The following PAN2 variants were observed in gnomAD, a reference collection of about 807,000 sequenced individuals.
PAN2 encodes poly(A) specific ribonuclease subunit PAN2.
PAN2 carries 68 observed loss-of-function variants against 133.3 expected under a neutral mutation model. The ratio of observed to expected loss-of-function variants is 0.51; its 90% CI spans 0.42 to 0.62. The LOEUF (loss-of-function observed/expected upper bound fraction) is 0.62, where lower values mean the gene tolerates loss of function less well. PAN2 is among the 20% of genes least tolerant of loss of function. PAN2 has a pLI of 0.00. For missense variants in PAN2, 1,042 were observed against 1,500.5 expected (o/e 0.69, Z 5.05); for synonymous variants, 462 against 544.6 (o/e 0.85, Z 2.11).
chr12:56,326,604 G>A lies in PAN2; in HGVS notation c.1262+13C>T, dbSNP rs926372695. The A allele has an allele frequency of 1.9e-6, 3 of 1,603,596 alleles. No individual in the cohort carries two copies. The highest frequency in any genetic ancestry group is 1.3e-5 in the African/African-American group (1 of 74,868). ...TGTCCCTCCCGCCTTTTGGCCCAGA[G>A]GTAGGGTACAACCTGGGAGCTGGAG... On this transcript the variant is annotated intron_variant, in intron 7 of 25. Transcript: ENST00000440411.
Position 56,317,368 on chromosome 12 carries a change from T to G in PAN2, c.*241A>C. ...AATTACTTTCCATCTGGGTCAATTCTAGACTCCATGTCTGTACCACTGTTT... is the reference window on the plus strand; with the variant it reads ...AATTACTTTCCATCTGGGTCAATTCGAGACTCCATGTCTGTACCACTGTTT... On this transcript the variant is annotated 3_prime_UTR_variant, in exon 26 of 26. Transcript: ENST00000440411. The G allele has an allele frequency of 1.8e-6, 1 of 556,780 alleles. No homozygotes were observed. The highest frequency in any genetic ancestry group is 3.2e-6 in the Non-Finnish European group (1 of 310,260). 34.5% of individuals were successfully genotyped at this position (556,780 alleles called of 1,614,324 possible). A position where few individuals can be genotyped will look rare whatever the true frequency, so the allele number is the denominator to read the frequency against.
Position 56,328,058 on chromosome 12 carries a change from C to G in PAN2, c.588G>C (p.Thr196=). 6.2e-7 allele frequency: 1 copy of G among 1,613,828 alleles called. No individual in the cohort carries two copies. Among genetic ancestry groups the G allele is most frequent in the Admixed American group, 1.7e-5 (1 of 60,014 alleles). The change falls in exon 5 of 26, where the codon ACG becomes ACC. Residue 196 remains threonine (T), a synonymous_variant. Coordinates refer to ENST00000440411, the MANE Select transcript of PAN2 (RefSeq NM_014871.6). The part of the protein sequence containing the change: ...VQETQKYAVE[T]PGVTIMRQTN... The stretch of plus-strand genomic sequence containing the variant: ...TCTGTCTCATGATGGTGACTCCAGG[C>G]GTCTCTACTGCATACTGGAGAGGGA...
At chr12:56,328,678 G>C (rs754487660) in intron 2 of PAN2, 37 bp from the exon 3 acceptor site, 48 of 1,582,262 alleles carry the variant, frequency 3.0e-5, no homozygotes, top group Non-Finnish European at 4.1e-5. Context: ...ACTTAGAGTG[G>C]AGGGGCAAGG....
intron 2 of PAN2, among the ~76,000 whole-genome samples, chr12:56,332,428 T>G (rs1875991498): frequency 6.6e-6 from 1 of 151,898 alleles, no homozygotes; most frequent in African/African-American, 2.4e-5. Flanking sequence ...ATAGTAAGAC[T>G]AAAAAATTTT....
intron 5 of PAN2, 51 bp from the exon 6 acceptor site, chr12:56,327,682 C>T: frequency 5.7e-6 from 9 of 1,591,280 alleles, no homozygotes; most frequent in Non-Finnish European, 7.7e-6. Flanking sequence ...AGGAAAAATA[C>T]CTGCCACCTA....
At chr12:56,318,017 A>C (rs917292206) in intron 25 of PAN2, among the ~76,000 whole-genome samples, 1 of 152,164 alleles carries the variant, frequency 6.6e-6, no homozygotes, top group Non-Finnish European at 1.5e-5. Context: ...TTTCTACAAA[A>C]AGTACAAAAA....
rs1182235992 is a variant in PAN2 at position 56,318,284 on chromosome 12, T to C, written c.3515A>G (p.Lys1172Arg). Residue 1172 changes from lysine to arginine, a missense_variant, in exon 25 of 26, where the codon AAG becomes AGG. Coordinates refer to ENST00000440411, the MANE Select transcript of PAN2 (RefSeq NM_014871.6). ...VLKGLYEKGR[K>R]MDWKVPEPEG... Reference sequence around the variant, plus strand: ...AGGCTCAGGCACCTTCCAGTCCATCTTTCTGCCCTTCTCATAAAGACCCTT... The same window carrying C: ...AGGCTCAGGCACCTTCCAGTCCATCCTTCTGCCCTTCTCATAAAGACCCTT... 1.9e-6 allele frequency: 3 copies of C among 1,614,072 alleles called. No individual in the cohort carries two copies. Among genetic ancestry groups the C allele is most frequent in the Non-Finnish European group, 8.5e-7 (1 of 1,180,036 alleles).
At chr12:56,330,128 G>A (rs1235152412) in intron 2 of PAN2, among the ~76,000 whole-genome samples, 4 of 152,012 alleles carry the variant, frequency 2.6e-5, no homozygotes, top group Non-Finnish European at 4.4e-5. Flanking sequence ...TAGAGGCATG[G>A]AGCTCTGCCT....
chr12:56,323,126 C>A lies in PAN2; in HGVS notation c.2429G>T (p.Arg810Leu). Residue 810 changes from arginine to leucine, a missense_variant, in exon 17 of 26, where the codon CGC (arginine) becomes CTC (leucine). By Grantham distance (102) the Arg-to-Leu change is moderately radical. This residue lies in a region of PAN2 where 908 missense variants were observed against 1,223.5 expected (regional missense o/e 0.74). Coordinates refer to ENST00000440411, the MANE Select transcript of PAN2 (RefSeq NM_014871.6). ...CCCTTTGTTTTTGGTCATCTTCATG[C>A]GAATGGAGAAAGGAAGCCAGACGTT... The part of the protein sequence containing the change: ...LKNVWLPFSI[R>L]MKMTKNKGLD... 2 of 1,614,110 alleles carry A rather than the reference C, an allele frequency of 1.2e-6. No individual in the cohort carries two copies. The highest frequency in any genetic ancestry group is 1.3e-5 in the African/African-American group (1 of 75,002).
chr12:56,325,489 G>A (rs1875009883), intron 8 of PAN2, 35 bp from the exon 9 acceptor site: 3 of 1,611,638 alleles, frequency 1.9e-6, no homozygotes, highest in Non-Finnish European at 2.5e-6. Context: ...CTTGTTGGAT[G>A]TCTTGTCATC....
chr12:56,327,702 G>A, intron 5 of PAN2, 71 bp from the exon 6 acceptor site: 1 of 1,532,138 alleles, frequency 6.5e-7, no homozygotes, highest in Non-Finnish European at 9.0e-7. Context: ...ACCTAACCCA[G>A]TGGGGTCCCT....
At chr12:56,320,444 C>T (rs1380092513) in intron 20 of PAN2, among the ~76,000 whole-genome samples, 1 of 151,944 alleles carries the variant, frequency 6.6e-6, no homozygotes, top group African/African-American at 2.4e-5. Context: ...TTGAGACCAG[C>T]CTGCCCAACA....
chr12:56,333,462 T>G, intron 1 of PAN2: 1 of 244,850 alleles, frequency 4.1e-6, no homozygotes, highest in Non-Finnish European at 8.2e-6. Flanking sequence ...CTTCCCTTTC[T>G]TCTCACTTCG....
Position 56,317,305 on chromosome 12 carries a change from C to G in PAN2, c.*304G>C, listed in dbSNP as rs1592425485. 2.6e-6 allele frequency: 1 copy of G among 384,748 alleles called. No homozygotes were observed. 23.8% of individuals were successfully genotyped at this position (384,748 alleles called of 1,614,324 possible). A position where few individuals can be genotyped will look rare whatever the true frequency, so the allele number is the denominator to read the frequency against. On this transcript the variant is annotated 3_prime_UTR_variant, in exon 26 of 26. Transcript: ENST00000440411. ...TACAGTTATGGTTCCAGGAGCTTCTCTGCCTGGATATTAGTCACCCAGGAT... is the reference window on the plus strand; with the variant it reads ...TACAGTTATGGTTCCAGGAGCTTCTGTGCCTGGATATTAGTCACCCAGGAT...
At position 56,321,989 on chromosome 12, in the gene PAN2, TC is replaced by T; in HGVS notation, c.2788+88del. The T allele has an allele frequency of 4.4e-6, 3 of 679,880 alleles. No homozygotes were observed. In the South Asian group the frequency reaches 5.7e-5, roughly 13 times the overall value. The allele number at this position is 679,880 out of a possible 1,614,324, so 42.1% of individuals were successfully genotyped here. On this transcript the variant is annotated intron_variant, in intron 20 of 25. Coordinates refer to ENST00000440411, the MANE Select transcript of PAN2 (RefSeq NM_014871.6). Reference sequence around the variant, plus strand: ...CAGAAATATTAACACTGGTTACCAATCCTAAGTACTTGCAAGCAATGTCCCA... The same window carrying T: ...CAGAAATATTAACACTGGTTACCAATCTAAGTACTTGCAAGCAATGTCCCA...
rs556733736 is a variant in PAN2 at position 56,317,226 on chromosome 12, C to T, written c.*383G>A. On this transcript the variant is annotated 3_prime_UTR_variant, in exon 26 of 26. Coordinates refer to ENST00000440411, the MANE Select transcript of PAN2 (RefSeq NM_014871.6). ...GTGACTTGTGCTAAGTCTTGAACTA[C>T]TGTGGTATCCTCTGTCACTGTCCAG... 6.4e-5 allele frequency: 13 copies of T among 202,316 alleles called. No individual in the cohort carries two copies. The South Asian group carries it at 1.2e-3, about 19-fold the overall frequency. 12.5% of individuals were successfully genotyped at this position (202,316 alleles called of 1,614,324 possible). A position where few individuals can be genotyped will look rare whatever the true frequency, so the allele number is the denominator to read the frequency against.
chr12:56,323,166 TG>T lies in PAN2; in HGVS notation c.2388del (p.Ile797LeufsTer4). 6.2e-7 allele frequency: 1 copy of T among 1,614,174 alleles called. No individual in the cohort carries two copies. Among genetic ancestry groups the T allele is most frequent in the South Asian group, 1.1e-5 (1 of 91,076 alleles). ...AGCCAGACGTTCTTCAACTCCTCAA[TG>T]GAGGGACACACCAGCACACCCTCTG... The part of the protein sequence containing the change: ...GSPEGVLVCP[S>X]IEELKNVWLP... On this transcript the variant is annotated frameshift_variant, in exon 17 of 26. Transcript: ENST00000440411. LOFTEE classifies it high-confidence loss of function.
Position 56,319,258 on chromosome 12 carries a change from C to G in PAN2, c.3270+50G>C, listed in dbSNP as rs1874231514. On this transcript the variant is annotated intron_variant, in intron 23 of 25. Coordinates refer to ENST00000440411, the MANE Select transcript of PAN2 (RefSeq NM_014871.6). This position sits in a 1 kb window ranked among gnomAD's most constrained non-coding sequence, Gnocchi z 5.4. ...CATTCTCTAAAGGCACAATGTATAC[C>G]CTGAGGGGCCCACTCTCACAAGAAG... 1.2e-6 allele frequency: 2 copies of G among 1,612,162 alleles called. No homozygotes were observed. The highest frequency in any genetic ancestry group is 2.2e-5 in the East Asian group (1 of 44,864).
intron 4 of PAN2, 48 bp downstream of exon 4, chr12:56,328,190 G>A (rs770166788): frequency 2.1e-5 from 34 of 1,592,156 alleles, no homozygotes; most frequent in Non-Finnish European, 2.7e-5. Context: ...CCCTGCCCCC[G>A]CAACAACCTC....
Sources: allele counts gnomAD v4.1 joint callset (sites outside exome capture counted in the v4.1 genomes callset), GRCh38; gene constraint gnomAD v4.1.1; regional missense constraint gnomAD v4.1.1; non-coding constraint Gnocchi (gnomAD v3.1); transcripts MANE v1.5; gene names NCBI Gene and HGNC (gene_info 2026-07-23, HGNC 2026-07-21).